Variants in P2RX3 observed in about 807,000 individuals in gnomAD.
P2RX3 encodes the protein purinergic receptor P2X 3.
Under a neutral mutation model 51.5 loss-of-function variants are expected in P2RX3, and 41 were observed. That is an observed-to-expected ratio of 0.80 (90% CI 0.62 to 1.03). P2RX3 has a LOEUF of 1.03. P2RX3 is among the 50% of genes least tolerant of loss of function. P2RX3 has a pLI of 0.00. For missense variants in P2RX3, 459 were observed against 522.1 expected (o/e 0.88, Z 1.18); for synonymous variants, 185 against 191.6 (o/e 0.97, Z 0.29).
In P2RX3 at chr11:57,346,601, G is replaced by A. The variant is rs764753470; in HGVS notation, c.177G>A (p.Ser59=). 2.4e-5 allele frequency: 39 copies of A among 1,614,072 alleles called. No homozygotes were observed. The Admixed American group carries it at 4.2e-4, about 17-fold the overall frequency. ...YQVRDTAIES[S]VVTKVKGSGL... ...TACGGGACACAGCCATTGAGTCCTCGGTGGTAACCAAGGTGAAGGGCTCCG... is the reference window on the plus strand; with the variant it reads ...TACGGGACACAGCCATTGAGTCCTCAGTGGTAACCAAGGTGAAGGGCTCCG... Residue 59 remains serine, a synonymous_variant, in exon 2 of 12, where the codon TCG becomes TCA. Coordinates refer to ENST00000263314, the MANE Select transcript of P2RX3 (RefSeq NM_002559.5).
At chr11:57,341,228 G>C (rs1289236036) in intron 1 of P2RX3, among the ~76,000 whole-genome samples, 2 of 152,180 alleles carry the variant, frequency 1.3e-5, no homozygotes, top group Non-Finnish European at 1.5e-5. Context: ...CTGCTAAGAG[G>C]CAGTTTATGC....
At chr11:57,365,388 G>C (rs2134446897) in intron 8 of P2RX3, among the ~76,000 whole-genome samples, 1 of 152,324 alleles carries the variant, frequency 6.6e-6, no homozygotes, top group Admixed American at 6.5e-5. Context: ...AACAAAAGCT[G>C]AGGCTGCCCA....
upstream of P2RX3, among the ~76,000 whole-genome samples, chr11:57,337,982 C>T (rs1466918793): frequency 6.6e-6 from 1 of 152,262 alleles, no homozygotes; most frequent in Non-Finnish European, 1.5e-5. Flanking sequence ...GAGACCTTTT[C>T]CCCCTGACCC....
intron 1 of P2RX3, among the ~76,000 whole-genome samples, chr11:57,340,928 G>T (rs944558222): frequency 6.6e-5 from 10 of 152,226 alleles, no homozygotes; most frequent in Non-Finnish European, 1.0e-4. Flanking sequence ...AGAAAAGAAG[G>T]TCATTGTGGC....
Position 57,347,494 on chromosome 11 carries a change from T to C in P2RX3, c.391+16T>C, listed in dbSNP as rs774462894. 1.1e-5 allele frequency: 17 copies of C among 1,552,512 alleles called. No homozygotes were observed. The highest frequency in any genetic ancestry group is 1.5e-5 in the Non-Finnish European group (17 of 1,147,696). On this transcript the variant is annotated intron_variant, in intron 4 of 11. Transcript: ENST00000263314. Reference sequence around the variant, plus strand: ...CCAGGTGGGGGTGAGTCCAGCCCCTTACCCACCCCACAATCCCAAGTGTTA... The same window carrying C: ...CCAGGTGGGGGTGAGTCCAGCCCCTCACCCACCCCACAATCCCAAGTGTTA...
chr11:57,369,808 A>T, intron 11 of P2RX3, 76 bp from the exon 12 acceptor site: 1 of 1,064,938 alleles, frequency 9.4e-7, no homozygotes, highest in Non-Finnish European at 1.4e-6. Flanking sequence ...CCCACTGCTG[A>T]GTCTGTCAAA....
upstream of P2RX3, among the ~76,000 whole-genome samples, chr11:57,337,844 A>G (rs1239128211): frequency 6.6e-6 from 1 of 152,268 alleles, no homozygotes; most frequent in Non-Finnish European, 1.5e-5. Context: ...TAATAATAAA[A>G]AGAAAACAAA....
intron 8 of P2RX3, among the ~76,000 whole-genome samples, chr11:57,362,311 G>GA (rs1304887279): frequency 6.6e-6 from 1 of 152,176 alleles, no homozygotes; most frequent in Non-Finnish European, 1.5e-5. Context: ...GCCAGGTCGG[G>GA]AGGAGTCAAG....
chr11:57,351,354 C>A (rs1277986878), intron 8 of P2RX3, among the ~76,000 whole-genome samples: 1 of 152,234 alleles, frequency 6.6e-6, no homozygotes, highest in Non-Finnish European at 1.5e-5. Flanking sequence ...CTTTGCATTT[C>A]TCTCCGCAAA....
intron 11 of P2RX3, among the ~76,000 whole-genome samples, chr11:57,369,674 T>C (rs1461175666): frequency 1.3e-5 from 2 of 152,084 alleles, no homozygotes; most frequent in Admixed American, 1.3e-4. Flanking sequence ...CCCCTCTCCA[T>C]TTCTGGGGCA....
chr11:57,340,332 C>T (rs73472551), intron 1 of P2RX3, among the ~76,000 whole-genome samples: 5,876 of 152,300 alleles, frequency 0.039, 372 homozygotes, highest in African/African-American at 0.13. Flanking sequence ...TAGAATCCTC[C>T]AGTCCTCAGG....
rs770234360 is a variant in P2RX3, at chr11:57,346,560, G to C, written c.136G>C (p.Glu46Gln). ...CTGCCCCAGGTGGGTTTTCTTGCACGAGAAGGCTTACCAGGTACGGGACAC... is the reference window on the plus strand; with the variant it reads ...CTGCCCCAGGTGGGTTTTCTTGCACCAGAAGGCTTACCAGGTACGGGACAC... Reference protein sequence around the residue: ...SYFVGWVFLHEKAYQVRDTAI... With the variant: ...SYFVGWVFLHQKAYQVRDTAI... The change falls in exon 2 of 12, where the codon GAG (glutamate) becomes CAG (glutamine). Residue 46 changes from glutamate to glutamine, a missense_variant. Transcript: ENST00000263314. 1 of 1,614,118 alleles carries C rather than the reference G, an allele frequency of 6.2e-7. No individual in the cohort carries two copies. Among genetic ancestry groups the C allele is most frequent in the Non-Finnish European group, 8.5e-7 (1 of 1,180,026 alleles).
chr11:57,350,954 A>G (rs987403276), intron 8 of P2RX3, 56 bp downstream of exon 8: 1 of 1,611,146 alleles, frequency 6.2e-7, no homozygotes, highest in South Asian at 1.1e-5. Flanking sequence ...GTTAACGGCA[A>G]TGTTTATTGG....
chr11:57,343,073 C>T (rs1856371013), intron 1 of P2RX3, among the ~76,000 whole-genome samples: 1 of 152,242 alleles, frequency 6.6e-6, no homozygotes, highest in Non-Finnish European at 1.5e-5. Context: ...GAGCCCTGGC[C>T]TCCAGAGACA....
rs1427138234 is a variant in P2RX3, at chr11:57,348,699, T to C, written c.558T>C (p.Phe186=). 6.2e-7 allele frequency: 1 copy of C among 1,612,362 alleles called. No individual in the cohort carries two copies. Residue 186 remains phenylalanine (F), a synonymous_variant, in exon 6 of 12, where the codon TTT becomes TTC. Coordinates refer to ENST00000263314, the MANE Select transcript of P2RX3 (RefSeq NM_002559.5). ...KNSIRFPLFN[F]EKGNLLPNLT... ...GCATCCGTTTCCCCCTCTTCAACTTTGAGAAGTGAGTCCCCACTCCTTCCC... is the reference window on the plus strand; with the variant it reads ...GCATCCGTTTCCCCCTCTTCAACTTCGAGAAGTGAGTCCCCACTCCTTCCC...
chr11:57,346,996 C>G (rs1198556876), intron 2 of P2RX3, 120 bp from the exon 3 acceptor site: 4 of 1,117,990 alleles, frequency 3.6e-6, no homozygotes, highest in Non-Finnish European at 5.2e-6. Context: ...GTGACCTTGG[C>G]CAAGTCACTA....
In P2RX3 at chr11:57,369,889, T is replaced by C; in HGVS notation, c.1086T>C (p.Asn362=). 2 of 1,609,098 alleles carry C rather than the reference T, an allele frequency of 1.2e-6. No homozygotes were observed. Among genetic ancestry groups the C allele is most frequent in the Non-Finnish European group, 1.7e-6 (2 of 1,175,622 alleles). The stretch of plus-strand genomic sequence containing the variant: ...ACCAGCTCTTTCGCCTGCAGGTGAA[T>C]GAGACTACGCTGAAAATCGCGGCTT... ...QYKAKKFEEV[N]ETTLKIAALT... is the part of the protein sequence containing the mutation. Residue 362 remains asparagine, a synonymous_variant, in exon 12 of 12, where the codon AAT becomes AAC. Transcript: ENST00000263314.
chr11:57,350,630 C>T, intron 7 of P2RX3, 132 bp from the exon 8 acceptor site: 4 of 1,267,826 alleles, frequency 3.2e-6, no homozygotes, highest in Non-Finnish European at 3.3e-6. Flanking sequence ...ACTTTCCGTT[C>T]TCCCTGCCTC....
chr11:57,343,452 G>A (rs1397774708), intron 1 of P2RX3, among the ~76,000 whole-genome samples: 1 of 152,204 alleles, frequency 6.6e-6, no homozygotes, highest in Non-Finnish European at 1.5e-5. Flanking sequence ...GAGTGAAGAG[G>A]CTGTGAGTGG....
Sources: allele counts gnomAD v4.1 joint callset (sites outside exome capture counted in the v4.1 genomes callset), GRCh38; gene constraint gnomAD v4.1.1; transcripts MANE v1.5; gene names NCBI Gene and HGNC (gene_info 2026-07-23, HGNC 2026-07-21).